MPDU1: variants seen among roughly 807,000 people sequenced by gnomAD.
MPDU1 encodes mannose-P-dolichol utilization defect 1.
MPDU1 carries 18 observed loss-of-function variants against 27.6 expected under a neutral mutation model. That is an observed-to-expected ratio of 0.65 (90% CI 0.45 to 0.97). The LOEUF (loss-of-function observed/expected upper bound fraction) is 0.97, where lower values mean the gene tolerates loss of function less well. MPDU1 is among the 50% of genes least tolerant of loss of function. The pLI, the probability that MPDU1 is intolerant of heterozygous loss-of-function variation, is 0.00. For synonymous variants in MPDU1, 142 were observed against 131.1 expected (o/e 1.08, Z -0.57); for missense variants, 279 against 297.4 (o/e 0.94, Z 0.46).
At chr17:7,584,528 T>G (rs1597861820) in intron 1 of MPDU1, among the ~76,000 whole-genome samples, 1 of 152,206 alleles carries the variant, frequency 6.6e-6, no homozygotes, top group East Asian at 1.9e-4. Context: ...GGGCACTTTG[T>G]TTTAGCCGCA....
rs369983145 is a variant in MPDU1, at chr17:7,586,889, C to G, written c.389-10C>G. The G allele has an allele frequency of 6.2e-7, 1 of 1,613,536 alleles. No homozygotes were observed. Among genetic ancestry groups the G allele is most frequent in the Non-Finnish European group, 8.5e-7 (1 of 1,179,672 alleles). On this transcript the variant is annotated splice_polypyrimidine_tract_variant and intron_variant, in intron 4 of 6. Coordinates refer to ENST00000250124, the MANE Select transcript of MPDU1 (RefSeq NM_004870.4). ...GAGATTGACAAGGACTCCTGTCTCC[C>G]CACCCCTAGGTGTCGCTTTCCTCGC...
At chr17:7,585,335 G>A (rs1249161692) in intron 1 of MPDU1, among the ~76,000 whole-genome samples, 2 of 152,012 alleles carry the variant, frequency 1.3e-5, no homozygotes, top group African/African-American at 2.4e-5. Context: ...TCAGGAGTTC[G>A]AGACCAGCCT....
chr17:7,583,724 G>A (rs551554693), upstream of MPDU1: 860 of 876,800 alleles, frequency 9.8e-4, 2 homozygotes, highest in Middle Eastern at 2.1e-3. Flanking sequence ...AGTGAGGGTG[G>A]GTAGCGTCAG....
chr17:7,586,594 G>A (rs1567743085), intron 3 of MPDU1, 98 bp from the exon 4 acceptor site: 7 of 1,071,706 alleles, frequency 6.5e-6, no homozygotes, highest in East Asian at 2.4e-5. Context: ...GTAGAGAAGC[G>A]TGATCAGAGC....
chr17:7,586,758 C>T lies in MPDU1; in HGVS notation c.369C>T (p.Tyr123=). The T allele has an allele frequency of 6.2e-7, 1 of 1,614,116 alleles. No individual in the cohort carries two copies. Among genetic ancestry groups the T allele is most frequent in the South Asian group, 1.1e-5 (1 of 91,084 alleles). ...TITICFLVMH[Y]RGQTVKGVAF... Reference sequence around the variant, plus strand: ...CCATCTGCTTCCTGGTCATGCACTACAGAGGACAGACTGTGAAAGGTGCTG... The same window carrying T: ...CCATCTGCTTCCTGGTCATGCACTATAGAGGACAGACTGTGAAAGGTGCTG... Residue 123 remains tyrosine (Y), a synonymous_variant, in exon 4 of 7, where the codon TAC becomes TAT. Coordinates refer to ENST00000250124, the MANE Select transcript of MPDU1 (RefSeq NM_004870.4).
upstream of MPDU1, chr17:7,583,687 T>A: frequency 1.3e-6 from 1 of 786,624 alleles, no homozygotes; most frequent in Non-Finnish European, 2.2e-6. Flanking sequence ...ACGTGGTCCC[T>A]GACTGAGACT....
In MPDU1 at chr17:7,587,220, A is replaced by G. The variant is rs748237604; in HGVS notation, c.567A>G (p.Thr189=). 1 of 1,614,054 alleles carries G rather than the reference A, an allele frequency of 6.2e-7. No individual in the cohort carries two copies. The highest frequency in any genetic ancestry group is 8.5e-7 in the Non-Finnish European group (1 of 1,180,012). Residue 189 remains threonine (T), a synonymous_variant, in exon 6 of 7, where the codon ACA becomes ACG. Transcript: ENST00000250124. ...ACACAGGCCAGCTCTCAGCCATCAC[A>G]GTCTTCCTGCTGTTTGGGGGCTCCC... ...NGHTGQLSAI[T]VFLLFGGSLA... is the part of the protein sequence containing the mutation.
upstream of MPDU1, chr17:7,583,832 T>C (rs1233201219): frequency 1.2e-6 from 2 of 1,609,942 alleles, no homozygotes; most frequent in Non-Finnish European, 1.7e-6. Context: ...AATGGCGGTC[T>C]GGAGAGACTG....
chr17:7,583,795 C>G (rs770588938), upstream of MPDU1: 16 of 1,532,850 alleles, frequency 1.0e-5, no homozygotes, highest in Non-Finnish European at 1.3e-5. Context: ...GGCGGAGTGT[C>G]CGCAGCGCGC....
At chr17:7,587,052 G>A (rs1278863410) in intron 5 of MPDU1, 35 bp downstream of exon 5, 1 of 1,578,438 alleles carries the variant, frequency 6.3e-7, no homozygotes, top group Non-Finnish European at 8.7e-7. Context: ...GATGTTGTGG[G>A]GGCAGGGTGG....
chr17:7,583,757 C>G (rs1233454791), upstream of MPDU1: 2 of 1,198,812 alleles, frequency 1.7e-6, no homozygotes, highest in Non-Finnish European at 2.5e-6. Context: ...ACGGGGCGGG[C>G]CAGCTTCGCC....
chr17:7,584,813 G>A (rs1395794622), intron 1 of MPDU1, among the ~76,000 whole-genome samples: 4 of 152,034 alleles, frequency 2.6e-5, no homozygotes, highest in East Asian at 3.9e-4. Context: ...CCAATAGGGC[G>A]AAACCCCGCC....
chr17:7,587,422 C>G lies in MPDU1; in HGVS notation c.619-4C>G. On this transcript the variant is annotated splice_polypyrimidine_tract_variant and splice_region_variant and intron_variant, in intron 6 of 6. Transcript: ENST00000250124. The stretch of plus-strand genomic sequence containing the variant: ...GTAACCCTGGCTCTGTCTCTTGCAA[C>G]CAGGAAACCGGAGATCCCCTGATGG... 1 of 1,613,994 alleles carries G rather than the reference C, an allele frequency of 6.2e-7. No homozygotes were observed. The highest frequency in any genetic ancestry group is 8.5e-7 in the Non-Finnish European group (1 of 1,180,006).
At chr17:7,584,044 A>G in intron 1 of MPDU1, 79 bp downstream of exon 1, 1 of 1,336,788 alleles carries the variant, frequency 7.5e-7, no homozygotes, top group Non-Finnish European at 1.1e-6. Flanking sequence ...TCGGCGACTA[A>G]GTGACGGCAG....
At chr17:7,584,162 G>T in intron 1 of MPDU1, 197 bp downstream of exon 1, 1 of 641,110 alleles carries the variant, frequency 1.6e-6, no homozygotes, top group Non-Finnish European at 2.8e-6. Flanking sequence ...GGAAGTCACC[G>T]GGTGGAATTA....
At position 7,588,207 on chromosome 17, in the gene MPDU1, CAA is replaced by C. The variant is rs2071617891; in HGVS notation, c.*660_*661del. ...ATAATACAAAACTGTTTAATACTAC[CAA>C]AAATATAATTGTATGTTGTGCGGCT... On this transcript the variant is annotated 3_prime_UTR_variant, in exon 7 of 7. Coordinates refer to ENST00000250124, the MANE Select transcript of MPDU1 (RefSeq NM_004870.4). 4 of 779,228 alleles carry C rather than the reference CAA, an allele frequency of 5.1e-6. No individual in the cohort carries two copies. Among genetic ancestry groups the C allele is most frequent in the Middle Eastern group, 2.3e-4 (1 of 4,388 alleles). 48.3% of individuals were successfully genotyped at this position (779,228 alleles called of 1,614,324 possible).
At position 7,587,099 on chromosome 17, in the gene MPDU1, T is replaced by A. The variant is rs2071597424; in HGVS notation, c.508-62T>A. On this transcript the variant is annotated intron_variant, in intron 5 of 6. Coordinates refer to ENST00000250124, the MANE Select transcript of MPDU1 (RefSeq NM_004870.4). The stretch of plus-strand genomic sequence containing the variant: ...AGAAGATCAAAGTGTGGGGGTGTTG[T>A]ACTTGGGGGAGCATGGGAAGAGCTC... The A allele has an allele frequency of 5.1e-6, 7 of 1,364,670 alleles. 1 individual carries two copies. The African/African-American group carries it at 8.5e-5, about 17-fold the overall frequency. The allele number at this position is 1,364,670 out of a possible 1,614,324, so 84.5% of individuals were successfully genotyped here. A position where few individuals can be genotyped will look rare whatever the true frequency, so the allele number is the denominator to read the frequency against.
chr17:7,583,713 G>C (rs8070712), upstream of MPDU1: 568 of 843,866 alleles, frequency 6.7e-4, no homozygotes, highest in African/African-American at 8.2e-3. Flanking sequence ...TACGCCACTA[G>C]AGTGAGGGTG....
In MPDU1 at chr17:7,586,894, C is replaced by G; in HGVS notation, c.389-5C>G. On this transcript the variant is annotated splice_polypyrimidine_tract_variant and splice_region_variant and intron_variant, in intron 4 of 6. Transcript: ENST00000250124. Reference sequence around the variant, plus strand: ...TGACAAGGACTCCTGTCTCCCCACCCCTAGGTGTCGCTTTCCTCGCTTGCT... The same window carrying G: ...TGACAAGGACTCCTGTCTCCCCACCGCTAGGTGTCGCTTTCCTCGCTTGCT... 6.2e-7 allele frequency: 1 copy of G among 1,613,882 alleles called. No homozygotes were observed. Among genetic ancestry groups the G allele is most frequent in the Non-Finnish European group, 8.5e-7 (1 of 1,179,886 alleles).
Sources: gnomAD v4.1 joint callset for allele counts (sites outside exome capture counted in the v4.1 genomes callset) on GRCh38, gnomAD v4.1.1 for gene constraint, MANE v1.5 for transcripts, NCBI Gene and HGNC (gene_info 2026-07-23, HGNC 2026-07-21) for gene names.